Variants in GNAT3 observed in about 807,000 individuals in gnomAD.
GNAT3 encodes guanine nucleotide-binding protein G(t) subunit alpha-3.
Under a neutral mutation model 37.7 loss-of-function variants are expected in GNAT3, and 31 were observed. The ratio of observed to expected loss-of-function variants is 0.82; its 90% CI spans 0.62 to 1.11. The LOEUF (loss-of-function observed/expected upper bound fraction) is 1.11, where lower values mean the gene tolerates loss of function less well. Among genes scored for constraint, GNAT3 ranks in the 50% most tolerant of loss-of-function variants. GNAT3 has a pLI of 0.00. For synonymous variants in GNAT3, 138 were observed against 139.8 expected (o/e 0.99, Z 0.09); for missense variants, 437 against 412.5 (o/e 1.06, Z -0.51).
At chr7:80,478,585 G>C (rs1037741281) in intron 4 of GNAT3, among the ~76,000 whole-genome samples, 22 of 152,244 alleles carry the variant, frequency 1.4e-4, no homozygotes, top group African/African-American at 4.8e-4. Flanking sequence ...ATCAAGAGAA[G>C]ATATTTGCAC....
intron 7 of GNAT3, 138 bp downstream of exon 7, chr7:80,462,021 T>G (rs1790058691): frequency 4.8e-6 from 3 of 619,184 alleles, no homozygotes; most frequent in Non-Finnish European, 8.2e-6. Flanking sequence ...AAGATTTTTT[T>G]TCCAGTTTGG....
intron 1 of GNAT3, among the ~76,000 whole-genome samples, chr7:80,504,547 G>A (rs140169275): frequency 6.6e-6 from 1 of 152,298 alleles, no homozygotes; most frequent in African/African-American, 2.4e-5. Flanking sequence ...TCAAGGGTGT[G>A]TTGAAGTCAA....
chr7:80,504,598 G>T (rs1584199108), intron 1 of GNAT3, among the ~76,000 whole-genome samples: 2 of 152,090 alleles, frequency 1.3e-5, no homozygotes, highest in East Asian at 1.9e-4. Context: ...ATCTGTATTT[G>T]CCATGAAGAA....
intron 5 of GNAT3, among the ~76,000 whole-genome samples, chr7:80,470,423 T>C (rs1014609740): frequency 1.3e-5 from 2 of 152,174 alleles, no homozygotes; most frequent in African/African-American, 4.8e-5. Flanking sequence ...GGTTTCACCA[T>C]GTTGGCCAGG....
chr7:80,462,387 A>G (rs2116137968), intron 6 of GNAT3, 75 bp from the exon 7 acceptor site: 1 of 1,552,710 alleles, frequency 6.4e-7, no homozygotes, highest in Middle Eastern at 1.7e-4. Flanking sequence ...ATGAACAAGG[A>G]TCTAGAACTA....
chr7:80,465,369 C>T (rs1213332681), intron 5 of GNAT3, among the ~76,000 whole-genome samples: 1 of 152,046 alleles, frequency 6.6e-6, no homozygotes, highest in Non-Finnish European at 1.5e-5. Flanking sequence ...TACTATTTGT[C>T]GGGTATATAA....
chr7:80,493,055 T>C (rs10257864), intron 2 of GNAT3, among the ~76,000 whole-genome samples: 11,653 of 152,054 alleles, frequency 0.077, 1,058 homozygotes, highest in African/African-American at 0.22. Flanking sequence ...CAGTTATTTA[T>C]CATATTTATT....
chr7:80,466,214 G>C (rs998931524), intron 5 of GNAT3, among the ~76,000 whole-genome samples: 3 of 152,110 alleles, frequency 2.0e-5, no homozygotes, highest in African/African-American at 7.2e-5. Context: ...AGTGATGGCA[G>C]GGCTGTAGGA....
chr7:80,480,582 C>T (rs1397124170), intron 3 of GNAT3, among the ~76,000 whole-genome samples: 2 of 152,118 alleles, frequency 1.3e-5, no homozygotes, highest in Non-Finnish European at 2.9e-5. Flanking sequence ...ATATACAGAG[C>T]AGCCCCGAGG....
chr7:80,458,854 A>T lies in GNAT3; in HGVS notation c.882T>A (p.Asn294Lys). 6.4e-7 allele frequency: 1 copy of T among 1,571,400 alleles called. No homozygotes were observed. Among genetic ancestry groups the T allele is most frequent in the Non-Finnish European group, 8.6e-7 (1 of 1,161,610 alleles). Residue 294 changes from asparagine (N) to lysine (K), a missense_variant, in exon 8 of 8, where the codon AAT (asparagine) becomes AAA (lysine). Coordinates refer to ENST00000398291, the MANE Select transcript of GNAT3 (RefSeq NM_001102386.3). ...SICFPEYTGP[N>K]TFEDAGNYIK... ...TGTAGTTTCCTGCATCTTCAAATGT[A>T]TTTGGCCCTTGTTAAACAAAATATT...
At chr7:80,510,421 C>T (rs1012571887) in intron 1 of GNAT3, among the ~76,000 whole-genome samples, 5 of 152,052 alleles carry the variant, frequency 3.3e-5, no homozygotes, top group African/African-American at 9.7e-5. Flanking sequence ...ATTTTTAATA[C>T]GTTTTATCAC....
intron 5 of GNAT3, among the ~76,000 whole-genome samples, chr7:80,464,727 C>T (rs1008913018): frequency 4.6e-5 from 7 of 151,876 alleles, no homozygotes; most frequent in African/African-American, 9.7e-5. Flanking sequence ...AAATGTCTAC[C>T]GATCTGATTA....
chr7:80,459,271 C>G (rs1790008932), intron 7 of GNAT3, among the ~76,000 whole-genome samples: 1 of 151,996 alleles, frequency 6.6e-6, no homozygotes, highest in Non-Finnish European at 1.5e-5. Context: ...TGAGAGGTAG[C>G]TACAACAGAG....
At chr7:80,475,308 A>G (rs1427504846) in intron 4 of GNAT3, among the ~76,000 whole-genome samples, 1 of 152,014 alleles carries the variant, frequency 6.6e-6, no homozygotes. Context: ...ATTAGAGGAA[A>G]AAAAACCTGC....
At position 80,466,439 on chromosome 7, in the gene GNAT3, C is replaced by T. The variant is rs149052302; in HGVS notation, c.591-3808G>A. ...TCTTAAAAGTCTGAGAAACTCCTCT[C>T]TTTAAGGTGACTTTGTAATTGCTCA... On this transcript the variant is annotated intron_variant, in intron 5 of 7. Transcript: ENST00000398291. Among the ~76,000 whole-genome samples the T allele has an allele frequency of 6.8e-3, 1,036 of 152,234 alleles. 9 individuals carry two copies. The highest frequency in any genetic ancestry group is 0.024 in the African/African-American group (999 of 41,560).
chr7:80,497,949 TGAGAAA>T (rs1790765077), intron 1 of GNAT3, among the ~76,000 whole-genome samples: 1 of 152,086 alleles, frequency 6.6e-6, no homozygotes, highest in South Asian at 2.1e-4. Flanking sequence ...TTGAGCCTAA[TGAGAAA>T]AAGTGTGTCA....
chr7:80,497,629 C>CGTATACGTATACGT (rs1562732973), intron 1 of GNAT3, among the ~76,000 whole-genome samples: 1 of 116,264 alleles, frequency 8.6e-6, no homozygotes, highest in African/African-American at 4.4e-5. Context: ...TACGTATATA[C>CGTATACGTATACGT]ATATACGTAT....
rs1791074970 is a variant in GNAT3, at chr7:80,511,928, T to C, written c.-2A>G. The C allele has an allele frequency of 4.4e-6, 7 of 1,592,572 alleles. No homozygotes were observed. Among genetic ancestry groups the C allele is most frequent in the Non-Finnish European group, 6.0e-6 (7 of 1,162,004 alleles). On this transcript the variant is annotated 5_prime_UTR_variant, in exon 1 of 8. Transcript: ENST00000398291. ...CTCTGAACTAATTCCACTTCCCATC[T>C]TGTGGTGGTAGATACTTGTCAGTTT...
chr7:80,461,893 A>G (rs1790056490), intron 7 of GNAT3, among the ~76,000 whole-genome samples: 1 of 152,198 alleles, frequency 6.6e-6, no homozygotes, highest in Non-Finnish European at 1.5e-5. Flanking sequence ...TTCAGGTTCC[A>G]ATGTCATTTG....
Sources: allele counts gnomAD v4.1 joint callset (sites outside exome capture counted in the v4.1 genomes callset), GRCh38; gene constraint gnomAD v4.1.1; transcripts MANE v1.5; gene names NCBI Gene and HGNC (gene_info 2026-07-23, HGNC 2026-07-21).